The following ANO6 variants were observed in gnomAD, a reference collection of about 807,000 sequenced individuals.
ANO6 encodes the protein anoctamin-6.
Under a neutral mutation model 117.5 loss-of-function variants are expected in ANO6, and 106 were observed. The observed-to-expected ratio is 0.90, with a 90% CI of 0.77 to 1.06. ANO6 has a LOEUF of 1.06. ANO6 is among the 50% of genes least tolerant of loss of function. The probability of loss-of-function intolerance (pLI) is 0.00; values close to 1 mark genes in which losing one functional copy is unlikely to be tolerated. For synonymous variants in ANO6, 367 were observed against 385.1 expected (o/e 0.95, Z 0.55); for missense variants, 955 against 1,121.1 (o/e 0.85, Z 2.12).
intron 3 of ANO6, among the ~76,000 whole-genome samples, chr12:45,343,234 CTTA>C (rs1315764743): frequency 6.6e-6 from 1 of 152,132 alleles, no homozygotes; most frequent in Non-Finnish European, 1.5e-5. Flanking sequence ...CCTACCAGCA[CTTA>C]TTGTTAAAAC....
chr12:45,404,627 G>C (rs1450903949), intron 15 of ANO6, among the ~76,000 whole-genome samples: 1 of 151,792 alleles, frequency 6.6e-6, no homozygotes, highest in Admixed American at 6.6e-5. Flanking sequence ...GCAAAGTTTC[G>C]TGTTTGTGAC....
intron 10 of ANO6, among the ~76,000 whole-genome samples, chr12:45,381,572 G>A (rs1011973489): frequency 3.9e-5 from 6 of 152,182 alleles, no homozygotes; most frequent in Non-Finnish European, 7.3e-5. Context: ...GGTTAGCAGT[G>A]CCTTCCATAG....
Position 45,232,488 on chromosome 12 carries a change from C to A in ANO6, c.70+16097C>A, listed in dbSNP as rs115299425. Among the ~76,000 whole-genome samples the A allele has an allele frequency of 6.1e-3, 922 of 152,302 alleles. 6 individuals are homozygous for A. The highest frequency in any genetic ancestry group is 0.02 in the African/African-American group (834 of 41,562). Reference sequence around the variant, plus strand: ...AAACTAGTTCAAGGGAATGGGCTCTCACTGGGAGATGGCTGACAAGTGCAC... The same window carrying A: ...AAACTAGTTCAAGGGAATGGGCTCTAACTGGGAGATGGCTGACAAGTGCAC... On this transcript the variant is annotated intron_variant, in intron 1 of 19. Transcript: ENST00000320560.
rs544519175 is a variant in ANO6 at position 45,345,282 on chromosome 12, G to T, written c.280-1740G>T. On this transcript the variant is annotated intron_variant, in intron 3 of 19. Transcript: ENST00000320560. ...GGACTCAAATGTAGCCAAATACCAG[G>T]TATATTCTTTTACTTTTTGACCTTT... 2.6e-5 allele frequency among the ~76,000 whole-genome samples: 4 copies of T among 152,268 alleles called. No homozygotes were observed. The East Asian group carries it at 7.7e-4, about 29-fold the overall frequency.
intron 3 of ANO6, among the ~76,000 whole-genome samples, chr12:45,342,204 C>T (rs762241323): frequency 3.3e-5 from 5 of 152,002 alleles, no homozygotes; most frequent in Non-Finnish European, 5.9e-5. Flanking sequence ...GAACAAAATC[C>T]GAGAAGAGAG....
At chr12:45,357,561 T>C in intron 8 of ANO6, 137 bp downstream of exon 8, 1 of 1,171,254 alleles carries the variant, frequency 8.5e-7, no homozygotes, top group Non-Finnish European at 1.2e-6. Flanking sequence ...TCCCTTTTGT[T>C]CTGAGCACAA....
At chr12:45,414,738 A>G (rs896783668) in intron 16 of ANO6, among the ~76,000 whole-genome samples, 3 of 152,154 alleles carry the variant, frequency 2.0e-5, no homozygotes, top group Non-Finnish European at 4.4e-5. Context: ...ATATTTCTTG[A>G]AGAACTTTAG....
chr12:45,406,324 C>A (rs1223154804), intron 15 of ANO6, among the ~76,000 whole-genome samples: 1 of 152,232 alleles, frequency 6.6e-6, no homozygotes, highest in African/African-American at 2.4e-5. Flanking sequence ...TTGGCCTTCC[C>A]AGCTCCACCT....
chr12:45,285,575 A>G (rs926898506), intron 1 of ANO6, among the ~76,000 whole-genome samples: 3 of 152,106 alleles, frequency 2.0e-5, no homozygotes, highest in Non-Finnish European at 4.4e-5. Context: ...CTAAAATACA[A>G]AAAATTAGCC....
At chr12:45,400,404 TACTC>T (rs1942752056) in intron 12 of ANO6, among the ~76,000 whole-genome samples, 2 of 152,216 alleles carry the variant, frequency 1.3e-5, no homozygotes, top group Admixed American at 1.3e-4. Context: ...ACACAAATCT[TACTC>T]ATCTCACAAG....
At chr12:45,402,228 A>G (rs1220248320) in intron 13 of ANO6, among the ~76,000 whole-genome samples, 1 of 152,246 alleles carries the variant, frequency 6.6e-6, no homozygotes, top group Non-Finnish European at 1.5e-5. Context: ...CAATCATCAT[A>G]ACGTCCAAGC....
intron 7 of ANO6, among the ~76,000 whole-genome samples, chr12:45,352,866 C>G (rs1941317923): frequency 6.6e-6 from 1 of 152,190 alleles, no homozygotes; most frequent in Admixed American, 6.5e-5. Flanking sequence ...AATACAATCT[C>G]TCAAATTTCT....
At chr12:45,264,191 G>C (rs1439669330) in intron 1 of ANO6, among the ~76,000 whole-genome samples, 1 of 152,156 alleles carries the variant, frequency 6.6e-6, no homozygotes. Flanking sequence ...TCTCCTTAAA[G>C]GAATTTTTTC....
intron 8 of ANO6, among the ~76,000 whole-genome samples, chr12:45,364,521 T>C (rs754730072): frequency 3.9e-5 from 6 of 152,236 alleles, no homozygotes; most frequent in Non-Finnish European, 8.8e-5. Flanking sequence ...TCAGATTGGA[T>C]AATTTTAATA....
At chr12:45,366,505 T>G (rs1310296764) in intron 8 of ANO6, among the ~76,000 whole-genome samples, 1 of 152,198 alleles carries the variant, frequency 6.6e-6, no homozygotes, top group Non-Finnish European at 1.5e-5. Context: ...AGTTCTCACT[T>G]TACTAATTTG....
intron 1 of ANO6, among the ~76,000 whole-genome samples, chr12:45,261,721 C>CT (rs1477119780): frequency 6.6e-6 from 1 of 152,228 alleles, no homozygotes; most frequent in East Asian, 1.9e-4. Context: ...TTCTGAAAGT[C>CT]TTTCACCTCT....
intron 1 of ANO6, among the ~76,000 whole-genome samples, chr12:45,271,527 G>C (rs983555368): frequency 6.6e-6 from 1 of 152,034 alleles, no homozygotes; most frequent in East Asian, 1.9e-4. Context: ...AAATCCTTTG[G>C]CTTCTTTGGA....
chr12:45,320,425 G>A (rs1390835340), intron 2 of ANO6, among the ~76,000 whole-genome samples: 8 of 151,920 alleles, frequency 5.3e-5, no homozygotes, highest in Non-Finnish European at 7.4e-5. Context: ...GTAGTTGAGC[G>A]GTTTTGAGTG....
chr12:45,240,505 A>G (rs1297803433), intron 1 of ANO6, among the ~76,000 whole-genome samples: 2 of 151,012 alleles, frequency 1.3e-5, no homozygotes, highest in South Asian at 2.1e-4. Flanking sequence ...TCTTTATCCA[A>G]TTTGCCAGTC....
Sources: gnomAD v4.1 joint callset for allele counts (sites outside exome capture counted in the v4.1 genomes callset) on GRCh38, gnomAD v4.1.1 for gene constraint, MANE v1.5 for transcripts, NCBI Gene and HGNC (gene_info 2026-07-23, HGNC 2026-07-21) for gene names.